Variants in LRRC15 observed in about 807,000 individuals in gnomAD.
LRRC15 encodes the protein leucine rich repeat containing 15, also known as leucine-rich repeat-containing protein 15.
LRRC15 carries 5 observed loss-of-function variants against 4.3 expected under a neutral mutation model. The ratio of observed to expected loss-of-function variants is 1.16; its 90% CI spans 0.61 to 2.44. The LOEUF (loss-of-function observed/expected upper bound fraction) is 2.44. Among genes scored for constraint, LRRC15 ranks in the 30% most tolerant of loss-of-function variants. The pLI is 0.01. For missense variants in LRRC15, 769 were observed against 747.0 expected, an observed-to-expected ratio of 1.03 and a Z score of -0.34; for synonymous variants, 337 against 323.2, an observed-to-expected ratio of 1.04 and a Z score of -0.46.
chr3:194,364,716 C>T (rs1713728522), intron 1 of LRRC15, among the ~76,000 whole-genome samples: 1 of 152,248 alleles, frequency 6.6e-6, no homozygotes, highest in African/African-American at 2.4e-5. Context: ...ATGGGCCACA[C>T]TCAGCATGAC....
At chr3:194,362,121 T>G (rs1223443286) in intron 1 of LRRC15, among the ~76,000 whole-genome samples, 1 of 149,150 alleles carries the variant, frequency 6.7e-6, no homozygotes, top group Non-Finnish European at 1.5e-5. Context: ...CAATGACATA[T>G]ATAACTGTGT....
At chr3:194,366,448 G>C (rs1246521823) in intron 1 of LRRC15, among the ~76,000 whole-genome samples, 1 of 152,176 alleles carries the variant, frequency 6.6e-6, no homozygotes, top group African/African-American at 2.4e-5. Context: ...CGGGGCCCAG[G>C]ATTCTGCATG....
chr3:194,369,411 G>A (rs1256896896), intron 1 of LRRC15, among the ~76,000 whole-genome samples: 2 of 152,222 alleles, frequency 1.3e-5, no homozygotes, highest in Non-Finnish European at 2.9e-5. Flanking sequence ...GCCGCTCAGG[G>A]CAAGGGGCAT....
intron 1 of LRRC15, among the ~76,000 whole-genome samples, chr3:194,368,249 C>G (rs909434517): frequency 7.9e-5 from 12 of 152,186 alleles, no homozygotes; most frequent in South Asian, 2.1e-4. Flanking sequence ...ACTGGCAGGA[C>G]TGAGTCGGGA....
At position 194,360,955 on chromosome 3, in the gene LRRC15, G is replaced by A. The variant is rs1396918827; in HGVS notation, c.89C>T (p.Thr30Ile). The A allele has an allele frequency of 6.3e-7, 1 of 1,584,338 alleles. No homozygotes were observed. Among genetic ancestry groups the A allele is most frequent in the Non-Finnish European group, 8.6e-7 (1 of 1,168,254 alleles). Residue 30 changes from threonine to isoleucine, a missense_variant, in exon 2 of 2, where the codon ACC (threonine) becomes ATC (isoleucine). Transcript: ENST00000347624. ...CTCCACCTGGGAGGCCCTGGAGCAG[G>A]TACACTCGCTAGGGCAGCCATGGTA... ...LAYHGCPSEC[T>I]CSRASQVECT...
rs1713615884 is a variant in LRRC15 at position 194,361,037 on chromosome 3, G to A, written c.7C>T (p.Leu3=). 6.6e-7 allele frequency: 1 copy of A among 1,511,896 alleles called. No homozygotes were observed. The highest frequency in any genetic ancestry group is 2.1e-5 in the Admixed American group (1 of 47,338). The allele number at this position is 1,511,896 out of a possible 1,614,324, so 93.7% of individuals were successfully genotyped here. A position where few individuals can be genotyped will look rare whatever the true frequency, so the allele number is the denominator to read the frequency against. The change falls in exon 2 of 2, where the codon CTG becomes TTG. Residue 3 remains leucine, a synonymous_variant. Transcript: ENST00000347624. MP[L]KHYLLLLVGC... is the part of the protein sequence containing the mutation. ...ACCAGCAAAAGGAGATAATGCTTCA[G>A]TGGCATAGCCTGTGCAAGGGGAGAG...
chr3:194,360,816 G>C lies in LRRC15; in HGVS notation c.228C>G (p.Ile76Met), dbSNP rs4411830. Residue 76 changes from isoleucine (I) to methionine (M), a missense_variant, in exon 2 of 2, where the codon ATC becomes ATG. By Grantham distance (10) the Ile-to-Met change is conservative. Coordinates refer to ENST00000347624, the MANE Select transcript of LRRC15 (RefSeq NM_130830.5). ...TELNESPFLNISALIALRIEK... is the reference protein window; with the variant it reads ...TELNESPFLNMSALIALRIEK... ...CAATCCTCAGGGCGATGAGGGCTGAGATATTGAGGAACGGGGACTCATTGA... is the reference window on the plus strand; with the variant it reads ...CAATCCTCAGGGCGATGAGGGCTGACATATTGAGGAACGGGGACTCATTGA... The C allele has an allele frequency of 1.9e-6, 3 of 1,614,078 alleles. No homozygotes were observed. The highest frequency in any genetic ancestry group is 1.7e-6 in the Non-Finnish European group (2 of 1,180,038).
chr3:194,360,012 C>T lies in LRRC15; in HGVS notation c.1032G>A (p.Arg344=). ...PGAFNGLTEL[R]ELSLHTNALQ... Reference sequence around the variant, plus strand: ...GTGCGTTGGTGTGGAGGGACAGCTCCCGAAGCTCCGTTAGCCCGTTGAAGG... The same window carrying T: ...GTGCGTTGGTGTGGAGGGACAGCTCTCGAAGCTCCGTTAGCCCGTTGAAGG... Residue 344 remains arginine, a synonymous_variant, in exon 2 of 2, where the codon CGG becomes CGA. Coordinates refer to ENST00000347624, the MANE Select transcript of LRRC15 (RefSeq NM_130830.5). 1 of 1,614,192 alleles carries T rather than the reference C, an allele frequency of 6.2e-7. No homozygotes were observed. The highest frequency in any genetic ancestry group is 8.5e-7 in the Non-Finnish European group (1 of 1,180,048).
chr3:194,363,324 G>T (rs1713688057), intron 1 of LRRC15: 2 of 708,258 alleles, frequency 2.8e-6, no homozygotes, highest in Admixed American at 4.1e-5. Flanking sequence ...TAAGCATATA[G>T]AACAATGGAA....
chr3:194,367,179 G>A (rs911654413), intron 1 of LRRC15, among the ~76,000 whole-genome samples: 1 of 152,254 alleles, frequency 6.6e-6, no homozygotes, highest in African/African-American at 2.4e-5. Flanking sequence ...CTGGAGGACT[G>A]TAGGGAAGGG....
At chr3:194,364,469 G>A (rs1441860184) in intron 1 of LRRC15, among the ~76,000 whole-genome samples, 1 of 152,158 alleles carries the variant, frequency 6.6e-6, no homozygotes, top group Non-Finnish European at 1.5e-5. Flanking sequence ...ACTAAATTAA[G>A]TGCATGTCAC....
At position 194,363,335 on chromosome 3, in the gene LRRC15, A is replaced by C. The variant is rs774072172; in HGVS notation, c.-3-2289T>G. The C allele has an allele frequency of 3.1e-5, 22 of 713,160 alleles. No homozygotes were observed. In the African/African-American group the frequency reaches 3.7e-4, roughly 12 times the overall value. 44.2% of individuals were successfully genotyped at this position (713,160 alleles called of 1,614,324 possible). A position where few individuals can be genotyped will look rare whatever the true frequency, so the allele number is the denominator to read the frequency against. On this transcript the variant is annotated intron_variant, in intron 1 of 1. Transcript: ENST00000347624. Reference sequence around the variant, plus strand: ...TGACTAAGCATATAGAACAATGGAAACAAGAAAGGAAAAAGAATACCTTGT... The same window carrying C: ...TGACTAAGCATATAGAACAATGGAACCAAGAAAGGAAAAAGAATACCTTGT...
At chr3:194,366,630 C>G (rs1446779584) in intron 1 of LRRC15, among the ~76,000 whole-genome samples, 1 of 151,988 alleles carries the variant, frequency 6.6e-6, no homozygotes, top group Admixed American at 6.5e-5. Context: ...AGGCCTGGCC[C>G]CATCCCTCTA....
chr3:194,360,500 T>C lies in LRRC15; in HGVS notation c.544A>G (p.Lys182Glu). 6 of 1,614,138 alleles carry C rather than the reference T, an allele frequency of 3.7e-6. No individual in the cohort carries two copies. The highest frequency in any genetic ancestry group is 5.1e-6 in the Non-Finnish European group (6 of 1,180,004). The change falls in exon 2 of 2, where the codon AAG (lysine) becomes GAG (glutamate). Residue 182 changes from lysine to glutamate, a missense_variant. Transcript: ENST00000347624. Reference sequence around the variant, plus strand: ...GGTGAGATGTGGGTGAGGCTATTCTTGCCCAGATTGAGCTTCGTGAGTCCT... The same window carrying C: ...GGTGAGATGTGGGTGAGGCTATTCTCGCCCAGATTGAGCTTCGTGAGTCCT... The part of the protein sequence containing the change: ...LVGLTKLNLG[K>E]NSLTHISPRV...
rs1713445017 is a variant in LRRC15 at position 194,356,922 on chromosome 3, C to T, written c.*2376G>A. 6.6e-6 allele frequency: 1 copy of T among 152,360 alleles called. No homozygotes were observed. Among genetic ancestry groups the T allele is most frequent in the African/African-American group, 2.4e-5 (1 of 41,466 alleles). The allele number at this position is 152,360 out of a possible 1,614,324, so 9.4% of individuals were successfully genotyped here. ...ATGCCCCTGTTGGCACCAGGCACAG[C>T]AGGCCACCATCAGCGGGTGATGCTC... On this transcript the variant is annotated 3_prime_UTR_variant, in exon 2 of 2. Coordinates refer to ENST00000347624, the MANE Select transcript of LRRC15 (RefSeq NM_130830.5).
At position 194,360,857 on chromosome 3, in the gene LRRC15, T is replaced by C. The variant is rs761279382; in HGVS notation, c.187A>G (p.Thr63Ala). The change falls in exon 2 of 2, where the codon ACG becomes GCG. Residue 63 changes from threonine to alanine, a missense_variant. By Grantham distance (58) the Thr-to-Ala change is moderately conservative. Coordinates refer to ENST00000347624, the MANE Select transcript of LRRC15 (RefSeq NM_130830.5). Reference sequence around the variant, plus strand: ...GACTCATTGAGTTCAGTGATGTGCGTGTTGAGGATCTGCAGGCTCATGGCG... The same window carrying C: ...GACTCATTGAGTTCAGTGATGTGCGCGTTGAGGATCTGCAGGCTCATGGCG... ...WNAMSLQILN[T>A]HITELNESPF... 6.8e-6 allele frequency: 11 copies of C among 1,611,110 alleles called. No homozygotes were observed. Among genetic ancestry groups the C allele is most frequent in the Non-Finnish European group, 8.5e-7 (1 of 1,177,890 alleles).
chr3:194,361,825 T>C (rs6786281), intron 1 of LRRC15, among the ~76,000 whole-genome samples: 7,759 of 152,296 alleles, frequency 0.051, 292 homozygotes, highest in Non-Finnish European at 0.083. Flanking sequence ...CTTTCACCTG[T>C]GCTTCATCTA....
intron 1 of LRRC15, chr3:194,363,344 G>GA (rs767233617): frequency 1.1e-4 from 81 of 713,366 alleles, no homozygotes; most frequent in Admixed American, 3.5e-4. Flanking sequence ...AACAAGAAAG[G>GA]AAAAAGAATA....
rs923936 is a variant in LRRC15 at position 194,360,663 on chromosome 3, G to A, written c.381C>T (p.Leu127=). The change falls in exon 2 of 2, where the codon CTC becomes CTT. Residue 127 remains leucine (L), a synonymous_variant. Transcript: ENST00000347624. ...PIGLFQGLDS[L]ESLLLSSNQL... Reference sequence around the variant, plus strand: ...GGTTACTGGACAGAAGGAGAGACTCGAGGCTGTCCAGGCCCTGGAAGAGGC... The same window carrying A: ...GGTTACTGGACAGAAGGAGAGACTCAAGGCTGTCCAGGCCCTGGAAGAGGC... 0.21 allele frequency: 342,269 copies of A among 1,613,986 alleles called. 39,100 individuals carry two copies. Among genetic ancestry groups the A allele is most frequent in the Non-Finnish European group, 0.24 (280,544 of 1,179,948 alleles).
Sources: gnomAD v4.1 joint callset for allele counts (sites outside exome capture counted in the v4.1 genomes callset) on GRCh38, gnomAD v4.1.1 for gene constraint, MANE v1.5 for transcripts, NCBI Gene and HGNC (gene_info 2026-07-23, HGNC 2026-07-21) for gene names.